Variants in MGST1 observed in about 807,000 individuals in gnomAD.
MGST1 encodes microsomal glutathione S-transferase 1, also known as glutathione S-transferase 12.
In MGST1, 5 loss-of-function variants were observed where a neutral mutation model predicts 8.9. That is an observed-to-expected ratio of 0.56 (90% confidence interval 0.29 to 1.19). The LOEUF is 1.19. Among genes scored for constraint, MGST1 ranks in the 50% most tolerant of loss-of-function variants. The pLI is 0.08. For missense variants in MGST1, 182 were observed against 187.4 expected, an observed-to-expected ratio of 0.97 and a Z score of 0.17; for synonymous variants, 54 against 67.8, an observed-to-expected ratio of 0.80 and a Z score of 1.00.
chr12:16,460,152 AGTT>A lies in MGST1; in HGVS notation n.482+76552_482+76554del, dbSNP rs1941207663. Among the ~76,000 whole-genome samples, 5 of 152,156 alleles carry A rather than the reference AGTT, an allele frequency of 3.3e-5. No individual in the cohort carries two copies. The South Asian group carries it at 1.0e-3, about 32-fold the overall frequency. ...ACAGAATGAAGTCTTAATAAAGGTTAGTTGTTATTAGAGTGTCATATGTCTGGA... is the reference window on the plus strand; with the variant it reads ...ACAGAATGAAGTCTTAATAAAGGTTAGTTATTAGAGTGTCATATGTCTGGA... On this transcript the variant is annotated intron_variant and non_coding_transcript_variant, in intron 4 of 4. Transcript: ENST00000538857.
chr12:16,473,197 C>G (rs930056168), intron 4 of MGST1, among the ~76,000 whole-genome samples: 2 of 152,166 alleles, frequency 1.3e-5, no homozygotes, highest in South Asian at 4.1e-4. Context: ...CACATTCCCC[C>G]CATCCCCAGG....
chr12:16,429,213 T>A (rs1940918979), intron 1 of MGST1, among the ~76,000 whole-genome samples: 1 of 152,152 alleles, frequency 6.6e-6, no homozygotes, highest in Admixed American at 6.5e-5. Flanking sequence ...TCTGTATATA[T>A]CTTTATTGCA....
At chr12:16,352,892 G>T (rs576175053) in intron 1 of MGST1, among the ~76,000 whole-genome samples, 1 of 151,990 alleles carries the variant, frequency 6.6e-6, no homozygotes, top group East Asian at 1.9e-4. Flanking sequence ...ACCTGTCTTC[G>T]AATTGATGAT....
rs3214385 is a variant in MGST1, at chr12:16,560,553, A to ATTT, written n.483-28964_483-28962dup. 87 of 1,414,080 alleles carry ATTT rather than the reference A, an allele frequency of 6.2e-5. No homozygotes were observed. Among genetic ancestry groups the ATTT allele is most frequent in the South Asian group, 1.0e-4 (8 of 77,456 alleles). 87.6% of individuals were successfully genotyped at this position (1,414,080 alleles called of 1,614,324 possible). A position where few individuals can be genotyped will look rare whatever the true frequency, so the allele number is the denominator to read the frequency against. ...CACCAAAGAGCCTAGAATAAGAAAC[A>ATTT]TTTTTTTTTTTTTACAAACTCTTAC... On this transcript the variant is annotated intron_variant and non_coding_transcript_variant, in intron 4 of 4. Coordinates refer to the MGST1 transcript ENST00000538857. This position sits in a 1 kb window ranked among gnomAD's most constrained non-coding sequence, Gnocchi z 5.0.
intron 1 of MGST1, among the ~76,000 whole-genome samples, chr12:16,420,641 G>A (rs1446514738): frequency 1.3e-5 from 2 of 152,104 alleles, no homozygotes; most frequent in Admixed American, 1.3e-4. Flanking sequence ...TCTGGAACTG[G>A]GATGATCCTT....
At position 16,354,262 on chromosome 12, in the gene MGST1, C is replaced by T. The variant is rs1449086441; in HGVS notation, c.10C>T (p.Leu4Phe). 5 of 1,581,550 alleles carry T rather than the reference C, an allele frequency of 3.2e-6. No homozygotes were observed. The highest frequency in any genetic ancestry group is 1.7e-4 in the Middle Eastern group (1 of 5,970). Residue 4 changes from leucine (L) to phenylalanine (F), a missense_variant, in exon 2 of 4, where the codon CTC becomes TTC. Coordinates refer to ENST00000396210, the MANE Select transcript of MGST1 (RefSeq NM_020300.5). Reference protein sequence around the residue: MVDLTQVMDDEVFM... With the variant: MVDFTQVMDDEVFM... Reference sequence around the variant, plus strand: ...GACCAAAATTGAAAAAATGGTTGACCTCACCCAGGTAATGGATGATGAAGT... The same window carrying T: ...GACCAAAATTGAAAAAATGGTTGACTTCACCCAGGTAATGGATGATGAAGT...
chr12:16,386,235 G>C (rs2137047487), intron 1 of MGST1, among the ~76,000 whole-genome samples: 1 of 152,296 alleles, frequency 6.6e-6, no homozygotes, highest in Middle Eastern at 3.4e-3. Flanking sequence ...GCCACTAGAT[G>C]TCCCTGTGTG....
At chr12:16,380,059 G>T (rs1360086953), downstream of MGST1, among the ~76,000 whole-genome samples, 1 of 152,106 alleles carries the variant, frequency 6.6e-6, no homozygotes, top group Non-Finnish European at 1.5e-5. Flanking sequence ...CTTGCTAGCG[G>T]TCTATCAATT....
chr12:16,402,366 T>C, intron 1 of MGST1: 1 of 1,603,708 alleles, frequency 6.2e-7, no homozygotes, highest in Non-Finnish European at 8.5e-7. Context: ...TGCCAATTGC[T>C]GTACAGTCTC....
chr12:16,378,373 A>G (rs1169351530), downstream of MGST1, among the ~76,000 whole-genome samples: 7 of 151,990 alleles, frequency 4.6e-5, no homozygotes, highest in Non-Finnish European at 8.8e-5. Context: ...ATGGCTAGCC[A>G]GTTTTCCCAG....
chr12:16,395,792 T>TACAC lies in MGST1; in HGVS notation n.778+12189_778+12190insCACA, dbSNP rs1371254759. ...AGTAGTATTCCATCATATATATATA[T>TACAC]ATATATATATATACACACACACACA... On this transcript the variant is annotated intron_variant and non_coding_transcript_variant, in intron 1 of 1. Coordinates refer to the MGST1 transcript ENST00000359720. Among the ~76,000 whole-genome samples, 281 of 124,618 alleles carry TACAC rather than the reference T, an allele frequency of 2.3e-3. 7 individuals carry two copies. The highest frequency in any genetic ancestry group is 4.2e-3 in the Middle Eastern group (1 of 238). The allele number at this position is 124,618 out of a possible 152,430, so 81.8% of individuals were successfully genotyped here. A position where few individuals can be genotyped will look rare whatever the true frequency, so the allele number is the denominator to read the frequency against.
At chr12:16,435,735 A>G (rs1199004522) in intron 1 of MGST1, among the ~76,000 whole-genome samples, 1 of 151,136 alleles carries the variant, frequency 6.6e-6, no homozygotes, top group Non-Finnish European at 1.5e-5. Context: ...TCTAAGATTA[A>G]TAAGTAACAA....
Position 16,445,706 on chromosome 12 carries a change from C to G in MGST1, n.482+62102C>G, listed in dbSNP as rs529815964. ...TTATTCTGTTCTCACAGAGCTGTTACAGTCACGTGGCAGCTATAATCAGGG... is the reference window on the plus strand; with the variant it reads ...TTATTCTGTTCTCACAGAGCTGTTAGAGTCACGTGGCAGCTATAATCAGGG... On this transcript the variant is annotated intron_variant and non_coding_transcript_variant, in intron 4 of 4. Coordinates refer to the MGST1 transcript ENST00000538857. Among the ~76,000 whole-genome samples the G allele has an allele frequency of 2.6e-5, 4 of 152,072 alleles. No individual in the cohort carries two copies. In the South Asian group the frequency reaches 8.3e-4, roughly 31 times the overall value.
rs1201636238 is a variant in MGST1, at chr12:16,548,322, A to T, written n.483-41206A>T. On this transcript the variant is annotated intron_variant and non_coding_transcript_variant, in intron 4 of 4. Transcript: ENST00000538857. The surrounding 1 kb of genome is among the most constrained non-coding windows in gnomAD (Gnocchi z 4.2). Reference sequence around the variant, plus strand: ...TTTTTTTTCTTTTCATGGACTTAACATATGCTTTCTAGAGATCATCTTAAA... The same window carrying T: ...TTTTTTTTCTTTTCATGGACTTAACTTATGCTTTCTAGAGATCATCTTAAA... 3.3e-5 allele frequency: 3 copies of T among 91,632 alleles called. No homozygotes were observed. Among genetic ancestry groups the T allele is most frequent in the Non-Finnish European group, 5.5e-5 (2 of 36,334 alleles). 5.7% of individuals were successfully genotyped at this position (91,632 alleles called of 1,614,324 possible). A position where few individuals can be genotyped will look rare whatever the true frequency, so the allele number is the denominator to read the frequency against.
downstream of MGST1, among the ~76,000 whole-genome samples, chr12:16,368,936 A>T (rs1356456673): frequency 6.6e-6 from 1 of 152,178 alleles, no homozygotes; most frequent in Non-Finnish European, 1.5e-5. Context: ...CAAGAAAATA[A>T]TCCAAATAAT....
chr12:16,486,060 C>T (rs2137150982), intron 4 of MGST1, among the ~76,000 whole-genome samples: 1 of 152,342 alleles, frequency 6.6e-6, no homozygotes, highest in South Asian at 2.1e-4. Context: ...CCTCCTCAAA[C>T]CCACATGGCT....
chr12:16,399,702 A>G (rs962060497), intron 1 of MGST1: 2 of 1,300,250 alleles, frequency 1.5e-6, no homozygotes, highest in East Asian at 2.3e-5. Context: ...AGGGTCATCA[A>G]CAATGGTCTT....
intron 4 of MGST1, among the ~76,000 whole-genome samples, chr12:16,510,530 A>G (rs146769573): frequency 4.8e-4 from 72 of 149,218 alleles, no homozygotes; most frequent in African/African-American, 1.6e-3. Context: ...AACAGTTGGC[A>G]TTGCCACCCA....
downstream of MGST1, among the ~76,000 whole-genome samples, chr12:16,591,576 T>A (rs759149543): frequency 6.6e-5 from 10 of 152,012 alleles, no homozygotes; most frequent in Non-Finnish European, 1.5e-4. This position sits in a 1 kb window ranked among gnomAD's most constrained non-coding sequence, Gnocchi z 4.1. Flanking sequence ...GTACCTAGAA[T>A]ATACAGAATG....
Sources: allele counts gnomAD v4.1 joint callset (sites outside exome capture counted in the v4.1 genomes callset), GRCh38; gene constraint gnomAD v4.1.1; non-coding constraint Gnocchi (gnomAD v3.1); transcripts MANE v1.5; gene names NCBI Gene and HGNC (gene_info 2026-07-23, HGNC 2026-07-21).